RABGEF1: variants seen among roughly 807,000 people sequenced by gnomAD.
RABGEF1 encodes rab5 GDP/GTP exchange factor.
RABGEF1 carries 26 observed loss-of-function variants against 57.3 expected under a neutral mutation model. That is an observed-to-expected ratio of 0.45 (90% CI 0.33 to 0.63). The LOEUF is 0.63. Ranked by LOEUF, RABGEF1 falls within the 20% of genes least tolerant of loss-of-function variation. The probability of loss-of-function intolerance (pLI) is 0.02; values close to 1 mark genes in which losing one functional copy is unlikely to be tolerated. For missense variants in RABGEF1, 464 were observed against 607.6 expected (o/e 0.76, Z 2.48); for synonymous variants, 185 against 210.7 (o/e 0.88, Z 1.06).
intron 1 of RABGEF1, among the ~76,000 whole-genome samples, chr7:66,741,176 CTG>C (rs1273671838): frequency 4.6e-5 from 7 of 152,210 alleles, no homozygotes; most frequent in Non-Finnish European, 1.5e-5. Flanking sequence ...GAAGCAGCGT[CTG>C]TGGTCGCACG....
In RABGEF1 at chr7:66,809,322, T is replaced by G. The variant is rs1300215807; in HGVS notation, c.*38T>G. 6.4e-7 allele frequency: 1 copy of G among 1,562,692 alleles called. No individual in the cohort carries two copies. The highest frequency in any genetic ancestry group is 1.4e-5 in the African/African-American group (1 of 73,322). The stretch of plus-strand genomic sequence containing the variant: ...GGAGAGTATTTATTTGAGCCTAAAT[T>G]GTAGGTAGCCCTTACTACACTCAAC... On this transcript the variant is annotated 3_prime_UTR_variant, in exon 9 of 9. Coordinates refer to ENST00000284957, the MANE Select transcript of RABGEF1 (RefSeq NM_014504.3).
chr7:66,671,177 C>T, the RABGEF1 span, among the ~76,000 whole-genome samples: 1 of 151,978 alleles, frequency 6.6e-6, no homozygotes, highest in African/African-American at 2.4e-5. Flanking sequence ...TTTTCGGGGG[C>T]TGCATTTTTG....
At chr7:66,722,453 CA>C (rs898396792) in intron 2 of RABGEF1, among the ~76,000 whole-genome samples, 45 of 151,866 alleles carry the variant, frequency 3.0e-4, no homozygotes, top group Admixed American at 1.2e-3. Flanking sequence ...AACAAAAAGA[CA>C]AAAAAACCCT....
chr7:66,716,971 G>T (rs982496427), intron 2 of RABGEF1, among the ~76,000 whole-genome samples: 4 of 152,126 alleles, frequency 2.6e-5, no homozygotes, highest in African/African-American at 9.7e-5. Context: ...TAGAGACGGG[G>T]TTTCGCCATG....
chr7:66,782,553 G>A (rs901736532), intron 3 of RABGEF1, among the ~76,000 whole-genome samples: 3 of 150,496 alleles, frequency 2.0e-5, no homozygotes, highest in South Asian at 2.1e-4. Flanking sequence ...TCACTGCAGC[G>A]TCAAACTCCT....
At chr7:66,683,757 G>T (rs866551731) in intron 1 of RABGEF1, among the ~76,000 whole-genome samples, 4 of 125,756 alleles carry the variant, frequency 3.2e-5, no homozygotes, top group Non-Finnish European at 7.2e-5. Flanking sequence ...TTTATTTATT[G>T]AGAGAGAGGG....
At chr7:66,800,084 A>G (rs1409599666) in intron 7 of RABGEF1, among the ~76,000 whole-genome samples, 1 of 152,220 alleles carries the variant, frequency 6.6e-6, no homozygotes, top group Non-Finnish European at 1.5e-5. Context: ...CTCCTTTATT[A>G]GAAAGAGGCC....
intron 1 of RABGEF1, among the ~76,000 whole-genome samples, chr7:66,697,912 C>T (rs1282242051): frequency 6.6e-6 from 1 of 152,136 alleles, no homozygotes; most frequent in Non-Finnish European, 1.5e-5. Flanking sequence ...CCTCAAACCC[C>T]TGATCCTATT....
intron 4 of RABGEF1, among the ~76,000 whole-genome samples, chr7:66,793,455 A>G (rs2129167344): frequency 6.6e-6 from 1 of 152,276 alleles, no homozygotes; most frequent in Middle Eastern, 3.4e-3. Context: ...GACACTGACA[A>G]ATTTGGGATT....
chr7:66,659,579 A>G, the RABGEF1 span, among the ~76,000 whole-genome samples: 1 of 152,126 alleles, frequency 6.6e-6, no homozygotes, highest in Non-Finnish European at 1.5e-5. Flanking sequence ...CAAGAGTTCA[A>G]GACCAGCCTG....
chr7:66,704,761 A>C (rs1793760082), intron 1 of RABGEF1, among the ~76,000 whole-genome samples: 1 of 151,650 alleles, frequency 6.6e-6, no homozygotes. Flanking sequence ...CAGTGAGCCG[A>C]GATTGTGCCA....
At chr7:66,804,686 G>A (rs1480478120) in intron 7 of RABGEF1, among the ~76,000 whole-genome samples, 4 of 145,412 alleles carry the variant, frequency 2.8e-5, no homozygotes, top group Non-Finnish European at 6.0e-5. Context: ...AGTGAGCAGA[G>A]ATCACACCAC....
intron 4 of RABGEF1, among the ~76,000 whole-genome samples, chr7:66,790,508 C>G (rs919332610): frequency 6.6e-6 from 1 of 152,182 alleles, no homozygotes; most frequent in Non-Finnish European, 1.5e-5. Flanking sequence ...GGGGAAAGAG[C>G]TGAGCCCAGT....
chr7:66,746,428 G>A (rs550844496), intron 1 of RABGEF1, among the ~76,000 whole-genome samples: 75 of 149,048 alleles, frequency 5.0e-4, no homozygotes, highest in African/African-American at 1.7e-3. Context: ...TCAGCCTCCC[G>A]AGTAGTTAAC....
chr7:66,702,929 AT>A (rs1793506267), intron 1 of RABGEF1, among the ~76,000 whole-genome samples: 1 of 151,790 alleles, frequency 6.6e-6, no homozygotes, highest in Non-Finnish European at 1.5e-5. Context: ...TGTAGGGTTT[AT>A]TTTCACTTTT....
At chr7:66,718,947 C>T (rs1584912665) in intron 2 of RABGEF1, among the ~76,000 whole-genome samples, 1 of 152,358 alleles carries the variant, frequency 6.6e-6, no homozygotes, top group East Asian at 1.9e-4. Flanking sequence ...TCTGCTCTGC[C>T]ACATACTTCT....
In RABGEF1 at chr7:66,805,262, T is replaced by C; in HGVS notation, c.943T>C (p.Phe315Leu). 1 of 1,614,186 alleles carries C rather than the reference T, an allele frequency of 6.2e-7. No individual in the cohort carries two copies. Among genetic ancestry groups the C allele is most frequent in the Non-Finnish European group, 8.5e-7 (1 of 1,180,038 alleles). Residue 315 changes from phenylalanine (F) to leucine (L), a missense_variant, in exon 8 of 9, where the codon TTC (phenylalanine) becomes CTC (leucine). Transcript: ENST00000284957. Reference protein sequence around the residue: ...TKNEPASADDFLPTLIYIVLK... With the variant: ...TKNEPASADDLLPTLIYIVLK... ...GAATGAGCCGGCGTCAGCGGATGAC[T>C]TCCTCCCCACCCTCATCTACATTGT...
intron 1 of RABGEF1, among the ~76,000 whole-genome samples, chr7:66,693,721 C>T (rs1230294640): frequency 6.6e-6 from 1 of 152,190 alleles, no homozygotes; most frequent in Non-Finnish European, 1.5e-5. Flanking sequence ...TCAGGAGGGT[C>T]CCGAGAGAGA....
At chr7:66,777,927 G>T (rs1416757126) in intron 3 of RABGEF1, among the ~76,000 whole-genome samples, 1 of 152,096 alleles carries the variant, frequency 6.6e-6, no homozygotes, top group Non-Finnish European at 1.5e-5. Flanking sequence ...ACTTTAGATT[G>T]TTTGTTCTTT....
Sources: gnomAD v4.1 joint callset for allele counts (sites outside exome capture counted in the v4.1 genomes callset) on GRCh38, gnomAD v4.1.1 for gene constraint, MANE v1.5 for transcripts, NCBI Gene and HGNC (gene_info 2026-07-23, HGNC 2026-07-21) for gene names.